Variants in BBS2 observed in about 807,000 individuals in gnomAD.
The protein encoded by BBS2 is Bardet-Biedl syndrome 2.
Under a neutral mutation model 83.0 loss-of-function variants are expected in BBS2, and 62 were observed. That is an observed-to-expected ratio of 0.75 (90% CI 0.61 to 0.92). BBS2 has a LOEUF of 0.92. Among genes scored for constraint, BBS2 ranks in the 40% least tolerant of loss-of-function variants. BBS2 has a pLI of 0.00. For missense variants in BBS2, 784 were observed against 901.0 expected (o/e 0.87, Z 1.66); for synonymous variants, 303 against 326.1 (o/e 0.93, Z 0.76).
At chr16:56,475,167 C>A (rs1373775174) in intron 17 of BBS2, among the ~76,000 whole-genome samples, 3 of 152,146 alleles carry the variant, frequency 2.0e-5, no homozygotes, top group African/African-American at 7.2e-5. Context: ...GGGAGATGGA[C>A]CACACCATAA....
intron 14 of BBS2, 92 bp downstream of exon 14, chr16:56,497,651 C>T (rs1964151573): frequency 1.3e-6 from 2 of 1,557,542 alleles, no homozygotes; most frequent in African/African-American, 1.4e-5. Context: ...GAAAACATCA[C>T]TATAACATAA....
intron 1 of BBS2, among the ~76,000 whole-genome samples, chr16:56,519,243 A>T (rs2144211161): frequency 6.7e-6 from 1 of 150,272 alleles, no homozygotes; most frequent in Non-Finnish European, 1.5e-5. Flanking sequence ...AGGCAGGAGA[A>T]TTGCAGGAAC....
chr16:56,486,858 G>A (rs1212501040), intron 15 of BBS2, among the ~76,000 whole-genome samples: 2 of 150,652 alleles, frequency 1.3e-5, no homozygotes, highest in Non-Finnish European at 2.9e-5. Context: ...CACCTCCCAG[G>A]TTCAAGTGAT....
At chr16:56,500,815 G>A (rs758873323) in intron 11 of BBS2, 39 bp downstream of exon 11, 1 of 1,608,002 alleles carries the variant, frequency 6.2e-7, no homozygotes, top group East Asian at 2.2e-5. Flanking sequence ...CCTCCTCTAA[G>A]TGCTGTCCTG....
At chr16:56,490,022 T>C (rs561653925) in intron 15 of BBS2, among the ~76,000 whole-genome samples, 18 of 150,260 alleles carry the variant, frequency 1.2e-4, no homozygotes, top group Non-Finnish European at 2.1e-4. Context: ...GCAGCTGAGG[T>C]GGGAGGATAA....
chr16:56,475,456 C>T (rs374019753), intron 17 of BBS2: 22 of 1,528,020 alleles, frequency 1.4e-5, no homozygotes, highest in African/African-American at 2.7e-5. Context: ...GTAGATGGTG[C>T]GACTCTTTCA....
chr16:56,510,874 A>G lies in BBS2; in HGVS notation c.519T>C (p.Gly173=). 4 of 1,614,122 alleles carry G rather than the reference A, an allele frequency of 2.5e-6. No individual in the cohort carries two copies. The highest frequency in any genetic ancestry group is 3.4e-6 in the Non-Finnish European group (4 of 1,180,022). The change falls in exon 4 of 17, where the codon GGT becomes GGC. Residue 173 remains glycine, a synonymous_variant. Transcript: ENST00000245157. ...VNSLALCDFD[G]DGKKELLVGS... is the part of the protein sequence containing the mutation. ...CCCCACATACCTCTTTCTTTCCATCACCATCAAAGTCACACAAGGCCAAGG... is the reference window on the plus strand; with the variant it reads ...CCCCACATACCTCTTTCTTTCCATCGCCATCAAAGTCACACAAGGCCAAGG...
At chr16:56,515,751 C>T (rs144896739) in intron 1 of BBS2, among the ~76,000 whole-genome samples, 3 of 152,332 alleles carry the variant, frequency 2.0e-5, no homozygotes, top group Non-Finnish European at 2.9e-5. Context: ...TGAACACTGC[C>T]TTCATGTTCC....
chr16:56,518,533 CTAT>C (rs1490929392), intron 1 of BBS2, among the ~76,000 whole-genome samples: 2 of 152,196 alleles, frequency 1.3e-5, no homozygotes, highest in Non-Finnish European at 2.9e-5. Flanking sequence ...GTATTAGGTA[CTAT>C]TATTAAGTGC....
At chr16:56,511,427 C>A in intron 2 of BBS2, 143 bp from the exon 3 acceptor site, 2 of 1,037,106 alleles carry the variant, frequency 1.9e-6, no homozygotes, top group Admixed American at 3.7e-5. Context: ...CACACATTAA[C>A]TGGCCCACGC....
chr16:56,483,737 G>A (rs1174480212), downstream of BBS2, among the ~76,000 whole-genome samples: 2 of 147,712 alleles, frequency 1.4e-5, no homozygotes, highest in African/African-American at 5.0e-5. Context: ...TTTTGCTCTT[G>A]TCACCCAGGC....
chr16:56,488,955 T>G (rs1037427220), intron 15 of BBS2, among the ~76,000 whole-genome samples: 1 of 152,176 alleles, frequency 6.6e-6, no homozygotes, highest in Non-Finnish European at 1.5e-5. Context: ...AATTTATATT[T>G]TCTTTTTTAG....
intron 12 of BBS2, 24 bp downstream of exon 12, chr16:56,499,753 TG>T: frequency 6.2e-7 from 1 of 1,613,770 alleles, no homozygotes; most frequent in African/African-American, 1.3e-5. Flanking sequence ...GTAAAAGCAT[TG>T]AAAGAGAAAA....
chr16:56,500,039 C>T, intron 11 of BBS2, 132 bp from the exon 12 acceptor site: 1 of 1,072,034 alleles, frequency 9.3e-7, no homozygotes, highest in Non-Finnish European at 1.4e-6. Context: ...AAGGAACCCC[C>T]AAAACACTTG....
chr16:56,497,732 C>G lies in BBS2; in HGVS notation c.1797+11G>C. 1 of 1,613,254 alleles carries G rather than the reference C, an allele frequency of 6.2e-7. No homozygotes were observed. The highest frequency in any genetic ancestry group is 8.5e-7 in the Non-Finnish European group (1 of 1,179,762). On this transcript the variant is annotated intron_variant, in intron 14 of 16. Coordinates refer to ENST00000245157, the MANE Select transcript of BBS2 (RefSeq NM_031885.5). The stretch of plus-strand genomic sequence containing the variant: ...CACATTCTCACAAATGCATCTACCG[C>G]ATTCCCTCACCTTAACTAGCACCTT...
At chr16:56,476,018 T>C in intron 17 of BBS2, 2 of 1,591,876 alleles carry the variant, frequency 1.3e-6, no homozygotes. Flanking sequence ...TGTGTTCTGA[T>C]GTGTCACTGT....
At chr16:56,515,131 G>A (rs1000187759) in intron 1 of BBS2, among the ~76,000 whole-genome samples, 3 of 152,120 alleles carry the variant, frequency 2.0e-5, no homozygotes. Context: ...ACCTTAAAAT[G>A]GTCTGCTAGT....
rs1964411327 is a variant in BBS2, at chr16:56,505,968, A to C, written c.786T>G (p.Thr262=). Residue 262 remains threonine, a synonymous_variant, in exon 7 of 17, where the codon ACT becomes ACG. Transcript: ENST00000245157. ...AACTTACCTTCCCATTGGACCAACCAGTTATCAGTTCATTCACTCCATCAG... is the reference window on the plus strand; with the variant it reads ...AACTTACCTTCCCATTGGACCAACCCGTTATCAGTTCATTCACTCCATCAG... ...LNSDGVNELI[T]GWSNGKVDAR... The C allele has an allele frequency of 1.2e-6, 2 of 1,613,754 alleles. No homozygotes were observed. The highest frequency in any genetic ancestry group is 2.2e-5 in the South Asian group (2 of 91,052).
At position 56,498,694 on chromosome 16, in the gene BBS2, C is replaced by G. The variant is rs118148062; in HGVS notation, c.1528-126G>C. On this transcript the variant is annotated intron_variant, in intron 12 of 16. Coordinates refer to ENST00000245157, the MANE Select transcript of BBS2 (RefSeq NM_031885.5). ...AGAGTTCTCCTTCTTTCTAGTTTTA[C>G]TGCTTTGTTGAGAAAAAAAAAAAAG... 0.011 allele frequency: 17,033 copies of G among 1,550,240 alleles called. 99 individuals are homozygous for G. Among genetic ancestry groups the G allele is most frequent in the South Asian group, 0.014 (1,167 of 85,380 alleles).
Sources: gnomAD v4.1 joint callset for allele counts (sites outside exome capture counted in the v4.1 genomes callset) on GRCh38, gnomAD v4.1.1 for gene constraint, MANE v1.5 for transcripts, NCBI Gene and HGNC (gene_info 2026-07-23, HGNC 2026-07-21) for gene names.